SEMA3B: variants seen among roughly 807,000 people sequenced by gnomAD.
SEMA3B encodes semaphorin 3B.
A neutral mutation model predicts 77.8 loss-of-function variants in SEMA3B; 71 were observed. That is an observed-to-expected ratio of 0.91 (90% confidence interval 0.75 to 1.11). SEMA3B has a LOEUF of 1.11. Ranked by LOEUF, SEMA3B falls within the 50% of genes most tolerant of loss-of-function variation. The pLI is 0.00. For missense variants in SEMA3B, 968 were observed against 1,056.8 expected, an observed-to-expected ratio of 0.92 and a Z score of 1.17; for synonymous variants, 470 against 452.9, an observed-to-expected ratio of 1.04 and a Z score of -0.48.
In SEMA3B at chr3:50,272,602, T is replaced by C. The variant is rs587655053; in HGVS notation, c.665-696T>C. On this transcript the variant is annotated intron_variant, in intron 6 of 16. Coordinates refer to ENST00000616701, the MANE Select transcript of SEMA3B (RefSeq NM_001290060.2). ...GGTGTGCATCTGTAATCCCAGCTAC[T>C]CAGGAGGCTGAGGCAGGAGAATCGC... Among the ~76,000 whole-genome samples, 3 of 151,922 alleles carry C rather than the reference T, an allele frequency of 2.0e-5. No homozygotes were observed. In the East Asian group the frequency reaches 5.8e-4, roughly 30 times the overall value.
chr3:50,277,118 C>G lies in SEMA3B; in HGVS notation c.*412C>G. 5.3e-6 allele frequency: 1 copy of G among 190,044 alleles called. No individual in the cohort carries two copies. Among genetic ancestry groups the G allele is most frequent in the Non-Finnish European group, 1.1e-5 (1 of 93,386 alleles). 11.8% of individuals were successfully genotyped at this position (190,044 alleles called of 1,614,324 possible). ...AGGCAGGCCGACTGTACTAAAGTAA[C>G]GCAATAAACGCATTATCAGCCAAAG... On this transcript the variant is annotated 3_prime_UTR_variant, in exon 17 of 17. Transcript: ENST00000616701.
Position 50,276,223 on chromosome 3 carries a change from C to T in SEMA3B, c.1846-79C>T, listed in dbSNP as rs1351213048. On this transcript the variant is annotated intron_variant, in intron 16 of 16. Transcript: ENST00000616701. This position sits in a 1 kb window ranked among gnomAD's most constrained non-coding sequence, Gnocchi z 5.8. ...CACCTCGGCTCCCAATGACTCTTTGCTTCTTCCGTCGCGTGCTAGGGCCCG... is the reference window on the plus strand; with the variant it reads ...CACCTCGGCTCCCAATGACTCTTTGTTTCTTCCGTCGCGTGCTAGGGCCCG... The T allele has an allele frequency of 1.1e-5, 15 of 1,421,158 alleles. No individual in the cohort carries two copies. The East Asian group carries it at 4.0e-4, about 38-fold the overall frequency. 88.0% of individuals were successfully genotyped at this position (1,421,158 alleles called of 1,614,324 possible).
upstream of SEMA3B, chr3:50,267,156 AG>A (rs1460879502): frequency 3.3e-5 from 5 of 152,376 alleles, no homozygotes; most frequent in African/African-American, 1.2e-4. This position sits in a 1 kb window ranked among gnomAD's most constrained non-coding sequence, Gnocchi z 5.7. Flanking sequence ...CTGGGTCCTG[AG>A]GGCCCATCCG....
chr3:50,264,926 G>A (rs1700873580), upstream of SEMA3B, among the ~76,000 whole-genome samples: 1 of 152,134 alleles, frequency 6.6e-6, no homozygotes, highest in Non-Finnish European at 1.5e-5. Flanking sequence ...GGGGAGGGCA[G>A]GGGTGGGGCA....
chr3:50,269,102 C>T, upstream of SEMA3B: 2 of 656,312 alleles, frequency 3.0e-6, no homozygotes, highest in Middle Eastern at 3.1e-4. This position sits in a 1 kb window ranked among gnomAD's most constrained non-coding sequence, Gnocchi z 4.0. Context: ...GTAATCTGAT[C>T]CCTGGGGACT....
chr3:50,274,916 G>A lies in SEMA3B; in HGVS notation c.1431G>A (p.Glu477=). ...SRPSAEGLLL[E]ELHVFEDSAA... is the part of the protein sequence containing the mutation. ...CCAGCGCAGAGGGGCTGCTCCTGGA[G>A]GAGCTGCACGTGTTTGAGGTGAGGC... The change falls in exon 12 of 17, where the codon GAG becomes GAA. Residue 477 remains glutamate (E), a synonymous_variant. Transcript: ENST00000616701. This position sits in a 1 kb window ranked among gnomAD's most constrained non-coding sequence, Gnocchi z 4.7. 6.2e-7 allele frequency: 1 copy of A among 1,610,100 alleles called. No homozygotes were observed. Among genetic ancestry groups the A allele is most frequent in the Admixed American group, 1.7e-5 (1 of 59,884 alleles).
upstream of SEMA3B, among the ~76,000 whole-genome samples, chr3:50,268,035 G>A (rs1283157129): frequency 6.6e-6 from 1 of 152,186 alleles, no homozygotes; most frequent in African/African-American, 2.4e-5. Flanking sequence ...TAGAGTGAAG[G>A]GGCTCAAAGA....
Position 50,276,233 on chromosome 3 carries a change from C to T in SEMA3B, c.1846-69C>T. On this transcript the variant is annotated intron_variant, in intron 16 of 16. Coordinates refer to ENST00000616701, the MANE Select transcript of SEMA3B (RefSeq NM_001290060.2). The surrounding 1 kb of genome is among the most constrained non-coding windows in gnomAD (Gnocchi z 5.8). Reference sequence around the variant, plus strand: ...CCCAATGACTCTTTGCTTCTTCCGTCGCGTGCTAGGGCCCGGAAGCCCTGT... The same window carrying T: ...CCCAATGACTCTTTGCTTCTTCCGTTGCGTGCTAGGGCCCGGAAGCCCTGT... 7.0e-7 allele frequency: 1 copy of T among 1,423,824 alleles called. No homozygotes were observed. Among genetic ancestry groups the T allele is most frequent in the Non-Finnish European group, 9.1e-7 (1 of 1,093,450 alleles). 88.2% of individuals were successfully genotyped at this position (1,423,824 alleles called of 1,614,324 possible). A position where few individuals can be genotyped will look rare whatever the true frequency, so the allele number is the denominator to read the frequency against.
chr3:50,260,305 G>C, the SEMA3B span: 1 of 152,252 alleles, frequency 6.6e-6, no homozygotes, highest in Non-Finnish European at 1.5e-5. Flanking sequence ...GGCGGGCCGG[G>C]GTCGGCGCCG....
At position 50,276,710 on chromosome 3, in the gene SEMA3B, G is replaced by C. The variant is rs782274417; in HGVS notation, c.*4G>C. On this transcript the variant is annotated 3_prime_UTR_variant, in exon 17 of 17. Coordinates refer to ENST00000616701, the MANE Select transcript of SEMA3B (RefSeq NM_001290060.2). The surrounding 1 kb of genome is among the most constrained non-coding windows in gnomAD (Gnocchi z 5.8). ...GCGCAGCGCAACGCACTGGTGACCA[G>C]ACTGTCCCCACGCCGGGAACCAAGC... 18 of 1,501,328 alleles carry C rather than the reference G, an allele frequency of 1.2e-5. No individual in the cohort carries two copies. The highest frequency in any genetic ancestry group is 1.6e-5 in the Non-Finnish European group (18 of 1,133,804). 93.0% of individuals were successfully genotyped at this position (1,501,328 alleles called of 1,614,324 possible). A position where few individuals can be genotyped will look rare whatever the true frequency, so the allele number is the denominator to read the frequency against.
chr3:50,268,481 T>C (rs957872610), upstream of SEMA3B, among the ~76,000 whole-genome samples: 7 of 152,236 alleles, frequency 4.6e-5, no homozygotes, highest in African/African-American at 1.7e-4. Flanking sequence ...GATTGCACAG[T>C]GCCACATGTG....
rs782813362 is a variant in SEMA3B, at chr3:50,269,369, G to A, written c.109+20G>A. 1.6e-5 allele frequency: 22 copies of A among 1,398,518 alleles called. No individual in the cohort carries two copies. The African/African-American group carries it at 1.9e-4, about 12-fold the overall frequency. The allele number at this position is 1,398,518 out of a possible 1,614,324, so 86.6% of individuals were successfully genotyped here. On this transcript the variant is annotated intron_variant, in intron 1 of 16. Transcript: ENST00000616701. This position sits in a 1 kb window ranked among gnomAD's most constrained non-coding sequence, Gnocchi z 4.0. Reference sequence around the variant, plus strand: ...TCCAAGGTAGGTGCACCTGGCAGGCGGGAGGGCCCAGCTTGAGGTGGGCAG... The same window carrying A: ...TCCAAGGTAGGTGCACCTGGCAGGCAGGAGGGCCCAGCTTGAGGTGGGCAG...
chr3:50,273,195 C>T lies in SEMA3B; in HGVS notation c.665-103C>T, dbSNP rs1553705674. 2.0e-6 allele frequency: 3 copies of T among 1,477,846 alleles called. No individual in the cohort carries two copies. Among genetic ancestry groups the T allele is most frequent in the Non-Finnish European group, 2.7e-6 (3 of 1,103,574 alleles). 91.5% of individuals were successfully genotyped at this position (1,477,846 alleles called of 1,614,324 possible). A position where few individuals can be genotyped will look rare whatever the true frequency, so the allele number is the denominator to read the frequency against. ...AGGTTGGGTGGTCAGACACTGTGATCCCGGGTGCTGTGCCCGCACTACGGG... is the reference window on the plus strand; with the variant it reads ...AGGTTGGGTGGTCAGACACTGTGATTCCGGGTGCTGTGCCCGCACTACGGG... On this transcript the variant is annotated intron_variant, in intron 6 of 16. Coordinates refer to ENST00000616701, the MANE Select transcript of SEMA3B (RefSeq NM_001290060.2). The surrounding 1 kb of genome is among the most constrained non-coding windows in gnomAD (Gnocchi z 6.5).
upstream of SEMA3B, among the ~76,000 whole-genome samples, chr3:50,266,076 T>G (rs1700891541): frequency 6.6e-6 from 1 of 150,784 alleles, no homozygotes; most frequent in African/African-American, 2.5e-5. Context: ...TGGAGGAAGG[T>G]GCGGGGTGAT....
rs1700983134 is a variant in SEMA3B, at chr3:50,269,353, G to C, written c.109+4G>C. On this transcript the variant is annotated splice_donor_region_variant and intron_variant, in intron 1 of 16. Coordinates refer to ENST00000616701, the MANE Select transcript of SEMA3B (RefSeq NM_001290060.2). The surrounding 1 kb of genome is among the most constrained non-coding windows in gnomAD (Gnocchi z 4.0). ...CGCCTTCGGCTCTCCTTCCAAGGTAGGTGCACCTGGCAGGCGGGAGGGCCC... is the reference window on the plus strand; with the variant it reads ...CGCCTTCGGCTCTCCTTCCAAGGTACGTGCACCTGGCAGGCGGGAGGGCCC... The C allele has an allele frequency of 1.4e-6, 2 of 1,471,742 alleles. No homozygotes were observed. Among genetic ancestry groups the C allele is most frequent in the African/African-American group, 2.9e-5 (2 of 70,090 alleles). The allele number at this position is 1,471,742 out of a possible 1,614,324, so 91.2% of individuals were successfully genotyped here.
chr3:50,272,888 A>G (rs1553705623), intron 6 of SEMA3B, among the ~76,000 whole-genome samples: 2 of 74,350 alleles, frequency 2.7e-5, no homozygotes, highest in African/African-American at 1.2e-4. Flanking sequence ...ATAAAGAGCA[A>G]TGGGACCCAG....
Position 50,274,904 on chromosome 3 carries a change from G to T in SEMA3B, c.1419G>T (p.Gly473=), listed in dbSNP as rs782596963. Residue 473 remains glycine (G), a synonymous_variant, in exon 12 of 17, where the codon GGG becomes GGT. Coordinates refer to ENST00000616701, the MANE Select transcript of SEMA3B (RefSeq NM_001290060.2). The surrounding 1 kb of genome is among the most constrained non-coding windows in gnomAD (Gnocchi z 4.7). ...VPKGSRPSAE[G]LLLEELHVFE... ...AGGGCAGTAGGCCCAGCGCAGAGGG[G>T]CTGCTCCTGGAGGAGCTGCACGTGT... 1 of 1,610,662 alleles carries T rather than the reference G, an allele frequency of 6.2e-7. No homozygotes were observed. The highest frequency in any genetic ancestry group is 1.3e-5 in the African/African-American group (1 of 74,854).
At position 50,276,481 on chromosome 3, in the gene SEMA3B, G is replaced by C; in HGVS notation, c.2025G>C (p.Glu675Asp). ...ATQAERLARA[E>D]EAAPAAPPGP... ...AGGCCGAACGACTGGCGCGGGCCGA[G>C]GAGGCTGCGCCCGCCGCGCCGCCGG... Residue 675 changes from glutamate to aspartate, a missense_variant, in exon 17 of 17, where the codon GAG becomes GAC. Coordinates refer to ENST00000616701, the MANE Select transcript of SEMA3B (RefSeq NM_001290060.2). This position sits in a 1 kb window ranked among gnomAD's most constrained non-coding sequence, Gnocchi z 5.8. 1 of 1,531,456 alleles carries C rather than the reference G, an allele frequency of 6.5e-7. No homozygotes were observed. The highest frequency in any genetic ancestry group is 1.4e-5 in the African/African-American group (1 of 72,670). The allele number at this position is 1,531,456 out of a possible 1,614,324, so 94.9% of individuals were successfully genotyped here. A position where few individuals can be genotyped will look rare whatever the true frequency, so the allele number is the denominator to read the frequency against.
chr3:50,269,189 A>T lies in SEMA3B; in HGVS notation c.-52A>T. On this transcript the variant is annotated 5_prime_UTR_variant, in exon 1 of 17. It adds an upstream start codon to the 5' untranslated region. Transcript: ENST00000616701. The surrounding 1 kb of genome is among the most constrained non-coding windows in gnomAD (Gnocchi z 4.0). ...CTGGGGCAGAGTCCAGGGCAGCTCA[A>T]GGCTCCTCCACACACACACCCGCTG... is the stretch of plus-strand genomic sequence containing the variant. 1 of 1,345,028 alleles carries T rather than the reference A, an allele frequency of 7.4e-7. No homozygotes were observed. Among genetic ancestry groups the T allele is most frequent in the Non-Finnish European group, 1.0e-6 (1 of 972,850 alleles). 83.3% of individuals were successfully genotyped at this position (1,345,028 alleles called of 1,614,324 possible). A position where few individuals can be genotyped will look rare whatever the true frequency, so the allele number is the denominator to read the frequency against.
Sources: gnomAD v4.1 joint callset for allele counts (sites outside exome capture counted in the v4.1 genomes callset) on GRCh38, gnomAD v4.1.1 for gene constraint, Gnocchi (gnomAD v3.1) non-coding constraint, MANE v1.5 for transcripts, NCBI Gene and HGNC (gene_info 2026-07-23, HGNC 2026-07-21) for gene names.